Variants in TTLL9 observed in about 807,000 individuals in gnomAD.
TTLL9 encodes tubulin tyrosine ligase like 9, also known as probable tubulin polyglutamylase TTLL9.
A neutral mutation model predicts 65.6 loss-of-function variants in TTLL9; 47 were observed. That is an observed-to-expected ratio of 0.72 (90% CI 0.57 to 0.91). The LOEUF is 0.91. TTLL9 is among the 40% of genes least tolerant of loss of function. TTLL9 has a pLI of 0.00. For missense variants in TTLL9, 537 were observed against 568.8 expected (o/e 0.94, Z 0.57); for synonymous variants, 179 against 204.8 (o/e 0.87, Z 1.07).
At chr20:31,936,127 C>G (rs2064105495) in intron 12 of TTLL9, among the ~76,000 whole-genome samples, 1 of 152,232 alleles carries the variant, frequency 6.6e-6, no homozygotes, top group African/African-American at 2.4e-5. Flanking sequence ...GCCCTTCCCT[C>G]TCTGGGCCCC....
At chr20:31,894,292 T>C (rs2063352219) in intron 3 of TTLL9, among the ~76,000 whole-genome samples, 1 of 151,706 alleles carries the variant, frequency 6.6e-6, no homozygotes, top group Non-Finnish European at 1.5e-5. Flanking sequence ...TGTGTAGAAA[T>C]GGGGTCTCAC....
chr20:31,916,658 C>T (rs1242462474), intron 6 of TTLL9, among the ~76,000 whole-genome samples: 3 of 152,204 alleles, frequency 2.0e-5, no homozygotes, highest in East Asian at 3.8e-4. Flanking sequence ...ACTCTGCATC[C>T]TGTGTGCTGG....
At chr20:31,879,711 G>T in intron 2 of TTLL9, 2 of 1,099,508 alleles carry the variant, frequency 1.8e-6, no homozygotes, top group Non-Finnish European at 2.5e-6. Context: ...ACGCCCAATA[G>T]CCTCCAGAGG....
chr20:31,908,832 C>T (rs1383599141), intron 5 of TTLL9, 130 bp downstream of exon 5: 14 of 749,906 alleles, frequency 1.9e-5, no homozygotes, highest in South Asian at 8.3e-5. Flanking sequence ...GGGAAGTCTG[C>T]GGGCTAGACC....
At chr20:31,882,901 C>T (rs1402235747) in intron 2 of TTLL9, among the ~76,000 whole-genome samples, 1 of 152,154 alleles carries the variant, frequency 6.6e-6, no homozygotes, top group Non-Finnish European at 1.5e-5. Flanking sequence ...GGAACCCCCA[C>T]CCTAACACAC....
intron 3 of TTLL9, among the ~76,000 whole-genome samples, chr20:31,893,291 C>CTTTTTTTTTT (rs34875132): frequency 1.5e-5 from 2 of 130,118 alleles, no homozygotes; most frequent in African/African-American, 2.8e-5. Context: ...TGTTCTTTTT[C>CTTTTTTTTTT]TTTTTTTTTT....
chr20:31,895,939 A>G (rs1175030859), intron 3 of TTLL9, among the ~76,000 whole-genome samples: 1 of 146,178 alleles, frequency 6.8e-6, no homozygotes, highest in African/African-American at 2.5e-5. Flanking sequence ...TCCCGGGTTC[A>G]AGCGATTCTC....
At chr20:31,905,319 C>T (rs184610154) in intron 4 of TTLL9, among the ~76,000 whole-genome samples, 146 of 152,174 alleles carry the variant, frequency 9.6e-4, no homozygotes, top group African/African-American at 3.0e-3. Flanking sequence ...AGGTGATCCA[C>T]ACGCCTCGGC....
intron 6 of TTLL9, among the ~76,000 whole-genome samples, chr20:31,913,249 G>T (rs2063683612): frequency 6.6e-6 from 1 of 152,176 alleles, no homozygotes; most frequent in African/African-American, 2.4e-5. Flanking sequence ...GGGCACCATA[G>T]CCTAATCAAG....
chr20:31,943,801 C>T lies in TTLL9; in HGVS notation c.*780C>T, dbSNP rs190649769. 6 of 456,540 alleles carry T rather than the reference C, an allele frequency of 1.3e-5. No individual in the cohort carries two copies. Among genetic ancestry groups the T allele is most frequent in the Admixed American group, 4.7e-5 (2 of 42,554 alleles). The allele number at this position is 456,540 out of a possible 1,614,324, so 28.3% of individuals were successfully genotyped here. ...TGAGATTGGGAGCTGAGCCAGAAAC[C>T]GGAAAACCCTGGGCTCATGGGCAGG... On this transcript the variant is annotated 3_prime_UTR_variant, in exon 15 of 15. Coordinates refer to ENST00000535842, the MANE Select transcript of TTLL9 (RefSeq NM_001008409.5).
chr20:31,937,418 TC>T lies in TTLL9; in HGVS notation c.1031del (p.Pro344HisfsTer3). The T allele has an allele frequency of 6.2e-7, 1 of 1,613,494 alleles. No individual in the cohort carries two copies. The highest frequency in any genetic ancestry group is 8.5e-7 in the Non-Finnish European group (1 of 1,179,740). ...CAGGTGGCTCCTGGAGGTCAATGCGTCCCCATCACTGACAGCCAGCAGCCAG... is the reference window on the plus strand; with the variant it reads ...CAGGTGGCTCCTGGAGGTCAATGCGTCCCATCACTGACAGCCAGCAGCCAG... ...LKPWLLEVNA[S>X]PSLTASSQED... On this transcript the variant is annotated frameshift_variant, in exon 13 of 15. Transcript: ENST00000535842. LOFTEE classifies it high-confidence loss of function.
At chr20:31,910,071 G>A (rs1287935960) in intron 6 of TTLL9, 149 bp downstream of exon 6, 2 of 718,552 alleles carry the variant, frequency 2.8e-6, no homozygotes, top group Non-Finnish European at 4.6e-6. Flanking sequence ...TCTGCAGTGT[G>A]TGGACCCAGC....
intron 5 of TTLL9, 118 bp downstream of exon 5, chr20:31,908,820 G>A: frequency 1.2e-6 from 1 of 829,500 alleles, no homozygotes; most frequent in Non-Finnish European, 2.0e-6. Flanking sequence ...GCAACGCCGA[G>A]TGGGAAGTCT....
chr20:31,906,374 G>A (rs1222057805), intron 4 of TTLL9, among the ~76,000 whole-genome samples: 7 of 152,208 alleles, frequency 4.6e-5, no homozygotes, highest in African/African-American at 9.6e-5. Flanking sequence ...GCAGACAGCC[G>A]AAGAAGGTTC....
At chr20:31,912,805 T>G (rs1412228720) in intron 6 of TTLL9, among the ~76,000 whole-genome samples, 2 of 152,160 alleles carry the variant, frequency 1.3e-5, no homozygotes, top group African/African-American at 4.8e-5. Flanking sequence ...TTTTTACTCT[T>G]AAGCCCTCAA....
At chr20:31,890,146 C>CTTTCTTTCT (rs1568753458) in intron 3 of TTLL9, among the ~76,000 whole-genome samples, 21 of 18,906 alleles carry the variant, frequency 1.1e-3, no homozygotes, top group Admixed American at 1.2e-3. Flanking sequence ...TCCTTCCTTC[C>CTTTCTTTCT]TTCCTTCCTT....
intron 10 of TTLL9, 56 bp from the exon 11 acceptor site, chr20:31,933,743 TG>T (rs1212338774): frequency 1.3e-6 from 2 of 1,559,970 alleles, no homozygotes; most frequent in East Asian, 2.2e-5. Flanking sequence ...GGGGACTTCG[TG>T]GGGCAGAGCT....
intron 2 of TTLL9, chr20:31,872,904 A>G (rs2062958500): frequency 2.2e-6 from 1 of 460,578 alleles, no homozygotes. Context: ...TGGGAGTTAA[A>G]GTTTTCCTTC....
intron 2 of TTLL9, among the ~76,000 whole-genome samples, chr20:31,883,202 T>C (rs1396864336): frequency 2.6e-5 from 3 of 114,954 alleles, no homozygotes; most frequent in Admixed American, 2.5e-4. Context: ...AATTCTTTCT[T>C]TTTTTTTTTT....
Sources: allele counts gnomAD v4.1 joint callset (sites outside exome capture counted in the v4.1 genomes callset), GRCh38; gene constraint gnomAD v4.1.1; transcripts MANE v1.5; gene names NCBI Gene and HGNC (gene_info 2026-07-23, HGNC 2026-07-21).